The following LRRIQ1 variants were observed in gnomAD, a reference collection of about 807,000 sequenced individuals.
The protein encoded by LRRIQ1 is leucine rich repeats and IQ motif containing 1.
In LRRIQ1, 210 loss-of-function variants were observed where a neutral mutation model predicts 211.9. That is an observed-to-expected ratio of 0.99 (90% confidence interval 0.89 to 1.11). LRRIQ1 has a LOEUF of 1.11. LRRIQ1 is among the 50% of genes most tolerant of loss of function. The pLI is 0.00. For missense variants in LRRIQ1, 2,136 were observed against 1,939.5 expected, an observed-to-expected ratio of 1.10 and a Z score of -1.90; for synonymous variants, 699 against 650.1, an observed-to-expected ratio of 1.08 and a Z score of -1.14.
intron 16 of LRRIQ1, among the ~76,000 whole-genome samples, chr12:85,122,449 G>A (rs961221369): frequency 1.3e-4 from 19 of 151,956 alleles, no homozygotes; most frequent in African/African-American, 4.3e-4. Flanking sequence ...TCCCCACCTC[G>A]AATTCTGAAT....
At chr12:85,236,427 G>T (rs1427362491) in intron 26 of LRRIQ1, among the ~76,000 whole-genome samples, 4 of 152,032 alleles carry the variant, frequency 2.6e-5, no homozygotes, top group African/African-American at 4.8e-5. Flanking sequence ...AATATAAATT[G>T]GTGGTTCACA....
chr12:85,202,947 C>T (rs1420416703), intron 24 of LRRIQ1, among the ~76,000 whole-genome samples: 2 of 152,126 alleles, frequency 1.3e-5, no homozygotes, highest in Admixed American at 6.6e-5. Context: ...GTTTAACACT[C>T]CCTTCAGGAC....
intron 24 of LRRIQ1, among the ~76,000 whole-genome samples, chr12:85,200,906 A>G (rs1230720215): frequency 6.6e-6 from 1 of 151,250 alleles, no homozygotes; most frequent in Non-Finnish European, 1.5e-5. Context: ...TGCAACCTTC[A>G]CCTCCTGGGT....
chr12:85,176,234 T>C (rs1367872148), intron 24 of LRRIQ1, among the ~76,000 whole-genome samples: 1 of 152,064 alleles, frequency 6.6e-6, no homozygotes, highest in East Asian at 1.9e-4. Context: ...CCCTTGTAAG[T>C]TGGATTCCTA....
chr12:85,256,201 G>T (rs943418603), intron 1 of LRRIQ1, among the ~76,000 whole-genome samples: 2 of 151,634 alleles, frequency 1.3e-5, no homozygotes, highest in South Asian at 4.1e-4. Flanking sequence ...AGAACTAGTT[G>T]TACATATGTT....
chr12:85,208,271 A>G (rs1893663265), intron 24 of LRRIQ1, among the ~76,000 whole-genome samples: 1 of 152,128 alleles, frequency 6.6e-6, no homozygotes, highest in Non-Finnish European at 1.5e-5. Flanking sequence ...AAACAAACAT[A>G]TAGGTATAGT....
intron 24 of LRRIQ1, among the ~76,000 whole-genome samples, chr12:85,220,472 T>A (rs1894345835): frequency 6.6e-6 from 1 of 151,914 alleles, no homozygotes; most frequent in African/African-American, 2.4e-5. Flanking sequence ...AAAAGAATAA[T>A]GTTTCCATTA....
chr12:85,043,415 T>C (rs1346813937), intron 3 of LRRIQ1, among the ~76,000 whole-genome samples: 1 of 152,096 alleles, frequency 6.6e-6, no homozygotes, highest in Non-Finnish European at 1.5e-5. Context: ...GTAGCCTCTC[T>C]CTGTGGCTTT....
chr12:85,238,323 G>C (rs1465834336), intron 26 of LRRIQ1, among the ~76,000 whole-genome samples: 1 of 151,860 alleles, frequency 6.6e-6, no homozygotes, highest in Non-Finnish European at 1.5e-5. Flanking sequence ...AGAGAGATTA[G>C]AGATGAAAAA....
the LRRIQ1 span, among the ~76,000 whole-genome samples, chr12:85,270,718 G>A: frequency 6.6e-6 from 1 of 151,938 alleles, no homozygotes; most frequent in Non-Finnish European, 1.5e-5. Context: ...TTATGACCAG[G>A]CACTGTTCTA....
At chr12:85,157,604 G>T in intron 23 of LRRIQ1, among the ~76,000 whole-genome samples, 1 of 151,950 alleles carries the variant, frequency 6.6e-6, no homozygotes, top group East Asian at 1.9e-4. Flanking sequence ...CAGTGAAGAA[G>T]ATCCTGTGTA....
At chr12:85,111,878 G>T (rs1887196754) in intron 15 of LRRIQ1, among the ~76,000 whole-genome samples, 1 of 151,672 alleles carries the variant, frequency 6.6e-6, no homozygotes, top group East Asian at 1.9e-4. Flanking sequence ...GATTCTTCCA[G>T]AATAGAGCTG....
At position 85,057,148 on chromosome 12, in the gene LRRIQ1, A is replaced by T. The variant is rs545569024; in HGVS notation, c.2355A>T (p.Glu785Asp). The T allele has an allele frequency of 6.4e-7, 1 of 1,564,538 alleles. No individual in the cohort carries two copies. The highest frequency in any genetic ancestry group is 2.3e-5 in the East Asian group (1 of 43,946). The change falls in exon 8 of 27, where the codon GAA becomes GAT. Residue 785 changes from glutamate to aspartate, a missense_variant. Physicochemically the swap from Glu to Asp is conservative, Grantham distance 45. Coordinates refer to ENST00000393217, the MANE Select transcript of LRRIQ1 (RefSeq NM_001079910.2). ...ANMTPALDKL[E>D]ILRCGPWDTL... The stretch of plus-strand genomic sequence containing the variant: ...TGACACCCGCTTTGGATAAACTGGA[A>T]ATTCTTCGATGTGGCCCTTGGGATA...
chr12:85,187,521 G>C (rs895310049), intron 24 of LRRIQ1, among the ~76,000 whole-genome samples: 1 of 151,848 alleles, frequency 6.6e-6, no homozygotes, highest in Admixed American at 6.6e-5. Context: ...TTAGAAAGTG[G>C]GTCAGCCGGG....
chr12:85,137,249 C>A (rs974752978), intron 18 of LRRIQ1, among the ~76,000 whole-genome samples: 7 of 150,992 alleles, frequency 4.6e-5, no homozygotes, highest in Admixed American at 4.0e-4. Flanking sequence ...TAAATATATT[C>A]TTTATATTTA....
At chr12:85,170,189 T>A (rs998123979) in intron 24 of LRRIQ1, among the ~76,000 whole-genome samples, 10 of 151,872 alleles carry the variant, frequency 6.6e-5, no homozygotes, top group African/African-American at 2.4e-4. Context: ...CTCATATTTT[T>A]TGTATTTCCC....
At chr12:85,215,338 G>A (rs1295700109) in intron 24 of LRRIQ1, among the ~76,000 whole-genome samples, 4 of 152,210 alleles carry the variant, frequency 2.6e-5, no homozygotes, top group Non-Finnish European at 4.4e-5. Flanking sequence ...CACAAGGATA[G>A]TCAGAGCAGT....
rs146363923 is a variant in LRRIQ1, at chr12:85,206,493, A to G, written c.4823-23024A>G. On this transcript the variant is annotated intron_variant, in intron 24 of 26. Transcript: ENST00000393217. ...GGTGGGTATGCTTGCACTGACAGCAATGGTCCAGTGGGGTACACACACACC... is the reference window on the plus strand; with the variant it reads ...GGTGGGTATGCTTGCACTGACAGCAGTGGTCCAGTGGGGTACACACACACC... Among the ~76,000 whole-genome samples, 483 of 152,244 alleles carry G rather than the reference A, an allele frequency of 3.2e-3. 5 individuals are homozygous for G. The highest frequency in any genetic ancestry group is 0.011 in the African/African-American group (448 of 41,550).
chr12:85,098,453 C>A lies in LRRIQ1; in HGVS notation c.2986C>A (p.Leu996Ile), dbSNP rs374921068. ...GLCDTPTIVY[L>I]DCSHNHLTDV... Reference sequence around the variant, plus strand: ...TTGTGATACACCTACCATTGTATACCTAGATTGCTCCCATAATCATCTTAC... The same window carrying A: ...TTGTGATACACCTACCATTGTATACATAGATTGCTCCCATAATCATCTTAC... The change falls in exon 12 of 27, where the codon CTA (leucine) becomes ATA (isoleucine). Residue 996 changes from leucine to isoleucine, a missense_variant. By Grantham distance (5) the Leu-to-Ile change is conservative (BLOSUM62 2). Coordinates refer to ENST00000393217, the MANE Select transcript of LRRIQ1 (RefSeq NM_001079910.2). 6 of 1,610,770 alleles carry A rather than the reference C, an allele frequency of 3.7e-6. No homozygotes were observed. The highest frequency in any genetic ancestry group is 5.1e-6 in the Non-Finnish European group (6 of 1,178,116).
Sources: allele counts gnomAD v4.1 joint callset (sites outside exome capture counted in the v4.1 genomes callset), GRCh38; gene constraint gnomAD v4.1.1; transcripts MANE v1.5; gene names NCBI Gene and HGNC (gene_info 2026-07-23, HGNC 2026-07-21).